Variants in PCCA observed in about 807,000 individuals in gnomAD.
PCCA encodes the protein propionyl-CoA carboxylase alpha chain, mitochondrial.
A neutral mutation model predicts 101.3 loss-of-function variants in PCCA; 74 were observed. That is an observed-to-expected ratio of 0.73 (90% confidence interval 0.61 to 0.89). The LOEUF (loss-of-function observed/expected upper bound fraction) is 0.89, where lower values mean the gene tolerates loss of function less well. Ranked by LOEUF, PCCA falls within the 40% of genes least tolerant of loss-of-function variation. PCCA has a pLI of 0.00. For synonymous variants in PCCA, 294 were observed against 313.6 expected (o/e 0.94, Z 0.66); for missense variants, 891 against 907.0 (o/e 0.98, Z 0.23).
intron 19 of PCCA, among the ~76,000 whole-genome samples, chr13:100,408,334 A>G (rs1467986745): frequency 6.6e-6 from 1 of 152,238 alleles, no homozygotes; most frequent in Non-Finnish European, 1.5e-5. Context: ...ATACTTAGCA[A>G]ACTTTGTATC....
intron 7 of PCCA, among the ~76,000 whole-genome samples, chr13:100,220,658 G>A (rs2059769504): frequency 6.6e-6 from 1 of 152,028 alleles, no homozygotes; most frequent in Non-Finnish European, 1.5e-5. Context: ...TTTCTAATAG[G>A]TCTTCCTATT....
chr13:100,328,185 A>C (rs1239645676), intron 16 of PCCA, among the ~76,000 whole-genome samples: 2 of 152,084 alleles, frequency 1.3e-5, no homozygotes, highest in East Asian at 3.9e-4. Context: ...CAACATGATG[A>C]AACCCCGTCT....
At chr13:100,271,007 TC>T (rs1402955120) in intron 11 of PCCA, among the ~76,000 whole-genome samples, 5 of 151,638 alleles carry the variant, frequency 3.3e-5, no homozygotes, top group Non-Finnish European at 7.4e-5. Flanking sequence ...GACCCTGTTC[TC>T]CCCCACCCCC....
At chr13:100,436,531 T>G (rs2079950417) in intron 20 of PCCA, among the ~76,000 whole-genome samples, 1 of 152,222 alleles carries the variant, frequency 6.6e-6, no homozygotes, top group African/African-American at 2.4e-5. Flanking sequence ...ATTACTTAGG[T>G]GTGGAAAGCT....
chr13:100,446,129 C>T (rs948487135), intron 20 of PCCA, among the ~76,000 whole-genome samples: 2 of 152,102 alleles, frequency 1.3e-5, no homozygotes, highest in Non-Finnish European at 2.9e-5. Flanking sequence ...CCTCCAACTC[C>T]CAGGTTCAAG....
intron 6 of PCCA, among the ~76,000 whole-genome samples, chr13:100,199,496 G>C (rs1003499943): frequency 2.0e-5 from 3 of 152,134 alleles, no homozygotes; most frequent in Non-Finnish European, 4.4e-5. Context: ...TTAGCTCACT[G>C]CATGGCGATG....
chr13:100,218,165 A>G (rs780703044), intron 7 of PCCA, among the ~76,000 whole-genome samples: 3 of 151,466 alleles, frequency 2.0e-5, no homozygotes, highest in Non-Finnish European at 4.4e-5. Context: ...TTTGTATGCA[A>G]GTATTTGCTT....
intron 21 of PCCA, among the ~76,000 whole-genome samples, chr13:100,508,604 G>A (rs1237908663): frequency 6.6e-6 from 1 of 152,222 alleles, no homozygotes; most frequent in South Asian, 2.1e-4. Context: ...TTTTCAGTTG[G>A]AGCAAATGTT....
intron 6 of PCCA, among the ~76,000 whole-genome samples, chr13:100,160,300 C>G (rs1045387292): frequency 6.6e-6 from 1 of 151,966 alleles, no homozygotes; most frequent in African/African-American, 2.4e-5. Context: ...GTCAGGAATT[C>G]GAGACCAGCT....
intron 1 of PCCA, among the ~76,000 whole-genome samples, chr13:100,093,029 A>C: frequency 6.6e-6 from 1 of 152,252 alleles, no homozygotes; most frequent in East Asian, 1.9e-4. Context: ...AGAGGAAAAG[A>C]TGTGACATTT....
At chr13:100,481,245 T>G (rs1304446584) in intron 21 of PCCA, 1 of 152,200 alleles carries the variant, frequency 6.6e-6, no homozygotes, top group Non-Finnish European at 1.5e-5. Flanking sequence ...CTTGGAACTT[T>G]GAGGCCATTG....
At chr13:100,308,427 C>T (rs891102374) in intron 15 of PCCA, among the ~76,000 whole-genome samples, 14 of 152,074 alleles carry the variant, frequency 9.2e-5, no homozygotes, top group African/African-American at 2.7e-4. Flanking sequence ...CAGGCTCAAG[C>T]GATCCACCTG....
At chr13:100,092,404 A>T (rs1297811304) in intron 1 of PCCA, among the ~76,000 whole-genome samples, 2 of 146,900 alleles carry the variant, frequency 1.4e-5, no homozygotes, top group Non-Finnish European at 3.0e-5. Flanking sequence ...TTTTTTTGAG[A>T]TGGGGTCTGG....
intron 4 of PCCA, among the ~76,000 whole-genome samples, chr13:100,148,988 C>T (rs1389617203): frequency 3.3e-5 from 5 of 151,834 alleles, no homozygotes; most frequent in Admixed American, 1.3e-4. Context: ...GGAATCAAAG[C>T]GAATCTTTAA....
intron 21 of PCCA, among the ~76,000 whole-genome samples, chr13:100,470,520 C>G (rs2082922604): frequency 1.3e-5 from 2 of 152,076 alleles, no homozygotes; most frequent in Admixed American, 6.6e-5. Context: ...ACAAGACCCC[C>G]TAAGACTCTG....
chr13:100,228,920 A>C (rs2060310857), intron 7 of PCCA, among the ~76,000 whole-genome samples: 2 of 150,544 alleles, frequency 1.3e-5, no homozygotes, highest in South Asian at 4.2e-4. Context: ...AAAAAAAAGC[A>C]CAAAGTATAT....
At chr13:100,346,287 A>C (rs745872960) in intron 18 of PCCA, among the ~76,000 whole-genome samples, 3 of 152,238 alleles carry the variant, frequency 2.0e-5, no homozygotes, top group Non-Finnish European at 4.4e-5. Flanking sequence ...TTTGTGCTTC[A>C]ATGGGCAAAA....
chr13:100,503,013 G>A (rs1262366042), intron 21 of PCCA, among the ~76,000 whole-genome samples: 1 of 152,164 alleles, frequency 6.6e-6, no homozygotes, highest in Non-Finnish European at 1.5e-5. Flanking sequence ...TCCTGGGGAG[G>A]AGGGGAGGCT....
chr13:100,452,608 C>T (rs1595961438), intron 21 of PCCA, among the ~76,000 whole-genome samples: 1 of 152,110 alleles, frequency 6.6e-6, no homozygotes, highest in African/African-American at 2.4e-5. Flanking sequence ...CAGTTCTGGT[C>T]ACTCTTTCCA....
Sources: allele counts gnomAD v4.1 joint callset (sites outside exome capture counted in the v4.1 genomes callset), GRCh38; gene constraint gnomAD v4.1.1; transcripts MANE v1.5; gene names NCBI Gene and HGNC (gene_info 2026-07-23, HGNC 2026-07-21).